Variants in ADAMTS12 observed in about 807,000 individuals in gnomAD.
ADAMTS12 encodes A disintegrin and metalloproteinase with thrombospondin motifs 12.
In ADAMTS12, 118 loss-of-function variants were observed where a neutral mutation model predicts 167.8. The ratio of observed to expected loss-of-function variants is 0.70; its 90% CI spans 0.61 to 0.82. The LOEUF (loss-of-function observed/expected upper bound fraction) is 0.82. Among genes scored for constraint, ADAMTS12 ranks in the 40% least tolerant of loss-of-function variants. The pLI, the probability that ADAMTS12 is intolerant of heterozygous loss-of-function variation, is 0.00. For synonymous variants in ADAMTS12, 704 were observed against 716.9 expected (o/e 0.98, Z 0.29); for missense variants, 1,916 against 1,998.8 (o/e 0.96, Z 0.79).
intron 3 of ADAMTS12, among the ~76,000 whole-genome samples, chr5:33,695,701 G>C (rs1229060798): frequency 5.3e-5 from 8 of 152,176 alleles, no homozygotes; most frequent in African/African-American, 1.9e-4. Context: ...AGTTGGGGAG[G>C]AAAAGGGAAA....
intron 3 of ADAMTS12, among the ~76,000 whole-genome samples, chr5:33,711,425 A>C (rs1249637675): frequency 6.6e-6 from 1 of 152,166 alleles, no homozygotes; most frequent in East Asian, 1.9e-4. Flanking sequence ...TTTTGGAACC[A>C]TAAGTGGCTC....
chr5:33,569,411 C>T (rs935108726), intron 19 of ADAMTS12, among the ~76,000 whole-genome samples: 6 of 152,164 alleles, frequency 3.9e-5, no homozygotes, highest in African/African-American at 4.8e-5. Context: ...TCCAGAGGAA[C>T]GATCAGACAG....
At chr5:33,596,088 A>G (rs10461925) in intron 16 of ADAMTS12, 28 bp from the exon 17 acceptor site, 865,013 of 1,611,336 alleles carry the variant, frequency 0.54, 234,747 homozygotes, top group Middle Eastern at 0.65. Context: ...AGATTCACAC[A>G]TATTGAATCC....
At chr5:33,790,087 C>T (rs11949148) in intron 2 of ADAMTS12, among the ~76,000 whole-genome samples, 55,544 of 151,912 alleles carry the variant, frequency 0.37, 11,417 homozygotes, top group East Asian at 0.58. Context: ...TTTTGTAGTG[C>T]TCTTTAAAAA....
intron 3 of ADAMTS12, among the ~76,000 whole-genome samples, chr5:33,726,120 G>C (rs1043177791): frequency 1.3e-5 from 2 of 152,204 alleles, no homozygotes; most frequent in Non-Finnish European, 2.9e-5. Flanking sequence ...CCACTATGTG[G>C]CTTAAGCAAT....
intron 2 of ADAMTS12, among the ~76,000 whole-genome samples, chr5:33,778,311 A>C (rs1052823544): frequency 3.9e-5 from 6 of 152,226 alleles, no homozygotes; most frequent in Admixed American, 1.3e-4. Context: ...GAGTACTGGC[A>C]TTAAAAAAGG....
At chr5:33,601,565 C>T (rs1469116453) in intron 16 of ADAMTS12, among the ~76,000 whole-genome samples, 2 of 152,132 alleles carry the variant, frequency 1.3e-5, no homozygotes, top group African/African-American at 2.4e-5. Flanking sequence ...TCAATGAAGC[C>T]GTAGTTTTCA....
Position 33,604,795 on chromosome 5 carries a change from T to C in ADAMTS12, c.2528-8735A>G, listed in dbSNP as rs185862212. Among the ~76,000 whole-genome samples, 13 of 151,866 alleles carry C rather than the reference T, an allele frequency of 8.6e-5. No homozygotes were observed. The East Asian group carries it at 2.1e-3, about 25-fold the overall frequency. ...AAAGTATTAGAAAGGGTGGGGTGCA[T>C]ACAGACAGAAGATGGGAGAAAAGAG... On this transcript the variant is annotated intron_variant, in intron 16 of 23. Coordinates refer to ENST00000504830, the MANE Select transcript of ADAMTS12 (RefSeq NM_030955.4).
chr5:33,876,640 T>C (rs908715851), intron 2 of ADAMTS12, among the ~76,000 whole-genome samples: 1 of 152,168 alleles, frequency 6.6e-6, no homozygotes, highest in African/African-American at 2.4e-5. Context: ...CTAAGTCTCA[T>C]ACCTCATACA....
At chr5:33,653,937 T>C (rs1436068011) in intron 7 of ADAMTS12, among the ~76,000 whole-genome samples, 1 of 152,206 alleles carries the variant, frequency 6.6e-6, no homozygotes, top group African/African-American at 2.4e-5. Flanking sequence ...TCCAATGACA[T>C]GAACGTAAGA....
At chr5:33,751,145 G>T in intron 3 of ADAMTS12, 1 of 500,038 alleles carries the variant, frequency 2.0e-6, no homozygotes, top group Non-Finnish European at 3.5e-6. Context: ...AATTAATGTG[G>T]CAAAGATGCT....
chr5:33,687,086 G>A (rs1742361909), intron 3 of ADAMTS12, among the ~76,000 whole-genome samples: 1 of 59,070 alleles, frequency 1.7e-5, no homozygotes, highest in Admixed American at 1.5e-4. Flanking sequence ...ACTAAGACAT[G>A]AGTTTTTTTT....
At chr5:33,707,412 A>G (rs191252834) in intron 3 of ADAMTS12, among the ~76,000 whole-genome samples, 5 of 152,330 alleles carry the variant, frequency 3.3e-5, no homozygotes, top group African/African-American at 1.2e-4. Flanking sequence ...TATTGCCATC[A>G]AGCTACCACT....
At chr5:33,548,006 C>A (rs1745065510) in intron 21 of ADAMTS12, among the ~76,000 whole-genome samples, 1 of 152,154 alleles carries the variant, frequency 6.6e-6, no homozygotes, top group South Asian at 2.1e-4. Context: ...GTGGCTGCTG[C>A]CCCAGAAAAC....
Position 33,891,988 on chromosome 5 carries a change from G to A in ADAMTS12, c.-132C>T, listed in dbSNP as rs796938693. On this transcript the variant is annotated 5_prime_UTR_variant, in exon 1 of 24. Transcript: ENST00000504830. ...GGCGCGAGAAGGCAGCGACTGCAAA[G>A]CTGCCCGCGATCTCCCTGTGCTTTT... 8.7e-7 allele frequency: 1 copy of A among 1,150,650 alleles called. No individual in the cohort carries two copies. The highest frequency in any genetic ancestry group is 1.6e-5 in the African/African-American group (1 of 64,084). 71.3% of individuals were successfully genotyped at this position (1,150,650 alleles called of 1,614,324 possible).
At position 33,621,086 on chromosome 5, in the gene ADAMTS12, TTCCATCAC is replaced by T. The variant is rs1739303359; in HGVS notation, c.2143+3137_2143+3144del. Among the ~76,000 whole-genome samples the T allele has an allele frequency of 1.3e-5, 2 of 152,090 alleles. 1 individual carries two copies. The highest frequency in any genetic ancestry group is 4.1e-4 in the South Asian group (2 of 4,830). On this transcript the variant is annotated intron_variant, in intron 14 of 23. Transcript: ENST00000504830. ...CCAAGGAGACCACCTGGAGAAACTA[TTCCATCAC>T]TATCCCAGTCTTGAGCACATTGAGC...
intron 17 of ADAMTS12, among the ~76,000 whole-genome samples, chr5:33,592,724 G>A (rs1200072945): frequency 6.6e-6 from 1 of 152,046 alleles, no homozygotes; most frequent in Non-Finnish European, 1.5e-5. Flanking sequence ...CTTTGGGGAA[G>A]AACACAGAAT....
chr5:33,530,058 T>C (rs1477660476), intron 23 of ADAMTS12, among the ~76,000 whole-genome samples: 1 of 151,424 alleles, frequency 6.6e-6, no homozygotes, highest in East Asian at 1.9e-4. Flanking sequence ...TAGTTGGGCC[T>C]ACAGGCATGT....
In ADAMTS12 at chr5:33,683,831, G is replaced by T. The variant is rs202169936; in HGVS notation, c.831+28C>A. 1.3e-5 allele frequency: 18 copies of T among 1,411,842 alleles called. No homozygotes were observed. In the East Asian group the frequency reaches 4.4e-4, roughly 35 times the overall value. The allele number at this position is 1,411,842 out of a possible 1,614,324, so 87.5% of individuals were successfully genotyped here. On this transcript the variant is annotated intron_variant, in intron 4 of 23. Coordinates refer to ENST00000504830, the MANE Select transcript of ADAMTS12 (RefSeq NM_030955.4). ...TTCTAATGACATCTGTTCACTAGCT[G>T]CCCCAGCCCCCATGTAGTCTGGCAT... is the stretch of plus-strand genomic sequence containing the variant.
Sources: gnomAD v4.1 joint callset for allele counts (sites outside exome capture counted in the v4.1 genomes callset) on GRCh38, gnomAD v4.1.1 for gene constraint, MANE v1.5 for transcripts, NCBI Gene and HGNC (gene_info 2026-07-23, HGNC 2026-07-21) for gene names.